Variants in HDAC8 observed in about 807,000 individuals in gnomAD.
HDAC8 encodes histone deacetylase-like 1.
A neutral mutation model predicts 32.2 loss-of-function variants in HDAC8; 1 was observed. The ratio of observed to expected loss-of-function variants is 0.03; its 90% confidence interval spans 0.01 to 0.15. The LOEUF is 0.15. Ranked by LOEUF, HDAC8 falls within the 10% of genes least tolerant of loss-of-function variation. The pLI is 1.00. For synonymous variants in HDAC8, 108 were observed against 113.9 expected (o/e 0.95, Z 0.33); for missense variants, 117 against 300.0 (o/e 0.39, Z 4.51).
intron 9 of HDAC8, among the ~76,000 whole-genome samples, chrX:72,379,639 A>AGGC (rs1315449330): frequency 1.8e-5 from 2 of 108,910 alleles, no homozygotes; most frequent in Non-Finnish European, 3.8e-5. Context: ...CTAGGATTAC[A>AGGC]GGCATGCGCC....
At chrX:72,412,212 G>A (rs1199441886) in intron 9 of HDAC8, among the ~76,000 whole-genome samples, 7 of 111,627 alleles carry the variant, frequency 6.3e-5, no homozygotes, top group Non-Finnish European at 1.1e-4. Context: ...TTTTAAAGAC[G>A]ATTTTTGAGG....
intron 4 of HDAC8, among the ~76,000 whole-genome samples, chrX:72,524,576 G>A (rs1002671072): frequency 1.8e-5 from 2 of 111,681 alleles, no homozygotes; most frequent in East Asian, 2.8e-4. Context: ...AGAATCAACA[G>A]TCTATGGAGA....
intron 10 of HDAC8, among the ~76,000 whole-genome samples, chrX:72,332,312 G>T (rs782634933): frequency 7.1e-5 from 8 of 112,593 alleles, no homozygotes; most frequent in Non-Finnish European, 1.5e-4. Context: ...AATAATTGCT[G>T]GGAGGTATGG....
chrX:72,394,042 C>T (rs2045689107), intron 9 of HDAC8, among the ~76,000 whole-genome samples: 1 of 111,254 alleles, frequency 9.0e-6, no homozygotes, highest in Admixed American at 9.5e-5. Context: ...TACAGAGACT[C>T]CAGTATGACT....
At chrX:72,488,306 T>C (rs782003195) in intron 7 of HDAC8, among the ~76,000 whole-genome samples, 1 of 111,136 alleles carries the variant, frequency 9.0e-6, no homozygotes, top group African/African-American at 3.3e-5. Context: ...CACTTGTGCC[T>C]GACCAATCTC....
At chrX:72,547,662 C>A (rs1471386077) in intron 4 of HDAC8, among the ~76,000 whole-genome samples, 1 of 111,074 alleles carries the variant, frequency 9.0e-6, no homozygotes, top group Non-Finnish European at 1.9e-5. Flanking sequence ...AATCAGATTG[C>A]CTGGGTTTGA....
At chrX:72,378,598 C>T (rs782788587) in intron 9 of HDAC8, among the ~76,000 whole-genome samples, 3 of 111,755 alleles carry the variant, frequency 2.7e-5, no homozygotes, top group South Asian at 3.7e-4. Context: ...ACTTTTTTCC[C>T]ATATAGCTCC....
At chrX:72,411,334 A>G (rs2046191535) in intron 9 of HDAC8, among the ~76,000 whole-genome samples, 1 of 111,031 alleles carries the variant, frequency 9.0e-6, no homozygotes, top group South Asian at 3.8e-4. Context: ...GCTCTTTCCC[A>G]CCTTTTCATA....
chrX:72,353,419 T>C (rs782328652), intron 9 of HDAC8, among the ~76,000 whole-genome samples: 140 of 112,269 alleles, frequency 1.2e-3, no homozygotes, highest in Non-Finnish European at 2.0e-3. Context: ...CTGGAGTTAT[T>C]ACTCTCTGAT....
At chrX:72,391,126 T>C (rs1239742732) in intron 9 of HDAC8, among the ~76,000 whole-genome samples, 1 of 112,060 alleles carries the variant, frequency 8.9e-6, no homozygotes, top group Non-Finnish European at 1.9e-5. Flanking sequence ...TCCTTGGACA[T>C]CAACTCCTAT....
intron 4 of HDAC8, among the ~76,000 whole-genome samples, chrX:72,528,758 G>A (rs782130745): frequency 7.2e-5 from 8 of 111,485 alleles, no homozygotes; most frequent in Non-Finnish European, 1.5e-4. Flanking sequence ...GGCACACCTG[G>A]TTACCCACTA....
intron 9 of HDAC8, among the ~76,000 whole-genome samples, chrX:72,411,030 CT>C (rs5902707): frequency 1.8e-4 from 15 of 83,541 alleles, no homozygotes; most frequent in Admixed American, 5.8e-4. Flanking sequence ...TTCTTTCTTT[CT>C]TTTTTTTTTT....
intron 10 of HDAC8, among the ~76,000 whole-genome samples, chrX:72,346,936 C>A (rs782743339): frequency 1.8e-5 from 2 of 111,106 alleles, no homozygotes; most frequent in East Asian, 5.7e-4. Flanking sequence ...TTACTAGGGG[C>A]GATCGGAAAG....
intron 4 of HDAC8, among the ~76,000 whole-genome samples, chrX:72,500,675 T>C (rs1224728717): frequency 8.9e-6 from 1 of 112,080 alleles, no homozygotes; most frequent in Non-Finnish European, 1.9e-5. Context: ...TCATACTGAA[T>C]GGGCAAAAGC....
At position 72,353,723 on chromosome X, in the gene HDAC8, C is replaced by A. The variant is rs995966989; in HGVS notation, c.1006-1885G>T. Among the ~76,000 whole-genome samples, 3 of 111,741 alleles carry A rather than the reference C, an allele frequency of 2.7e-5. No homozygotes were observed. The East Asian group carries it at 8.5e-4, about 32-fold the overall frequency. On this transcript the variant is annotated intron_variant, in intron 9 of 10. Transcript: ENST00000373573. ...TCCCCAGAGTGTGTCAAGTGGTACA[C>A]TCATTTCATGGGTATGGAAAGACAG...
intron 9 of HDAC8, among the ~76,000 whole-genome samples, chrX:72,449,930 T>G (rs1179554235): frequency 8.9e-6 from 1 of 112,137 alleles, no homozygotes; most frequent in Non-Finnish European, 1.9e-5. Flanking sequence ...TAGGCATTGT[T>G]CCCAGAGATA....
chrX:72,341,490 A>G (rs2043886845), intron 10 of HDAC8, among the ~76,000 whole-genome samples: 1 of 112,057 alleles, frequency 8.9e-6, no homozygotes, highest in African/African-American at 3.2e-5. Flanking sequence ...GTAAACCAAG[A>G]TGCTTGTACT....
intron 9 of HDAC8, among the ~76,000 whole-genome samples, chrX:72,451,013 CAAAATCTGAAAA>C (rs782496664): frequency 2.1e-3 from 234 of 110,820 alleles, no homozygotes; most frequent in African/African-American, 7.3e-3. Flanking sequence ...GCAAATATTA[CAAAATCTGAAAA>C]AAAATCTGAA....
At chrX:72,414,044 C>G (rs1366919886) in intron 9 of HDAC8, among the ~76,000 whole-genome samples, 1 of 111,953 alleles carries the variant, frequency 8.9e-6, no homozygotes, top group Non-Finnish European at 1.9e-5. Flanking sequence ...AGTGGCAAAA[C>G]TATAGAGTGG....
Sources: gnomAD v4.1 joint callset for allele counts (sites outside exome capture counted in the v4.1 genomes callset) on GRCh38, gnomAD v4.1.1 for gene constraint, MANE v1.5 for transcripts, NCBI Gene and HGNC (gene_info 2026-07-23, HGNC 2026-07-21) for gene names.